The following ZNF148 variants were observed in gnomAD, a reference collection of about 807,000 sequenced individuals.
ZNF148 encodes zinc finger protein 148, also known as Beta-Enolase Repressor Factor-1.
In ZNF148, 7 loss-of-function variants were observed where a neutral mutation model predicts 67.7. The observed-to-expected ratio is 0.10, with a 90% CI of 0.06 to 0.19. The LOEUF (loss-of-function observed/expected upper bound fraction) is 0.19, where lower values mean the gene tolerates loss of function less well. Among genes scored for constraint, ZNF148 ranks in the 10% least tolerant of loss-of-function variants. ZNF148 has a pLI of 1.00. For missense variants in ZNF148, 583 were observed against 947.1 expected, an observed-to-expected ratio of 0.62 and a Z score of 5.05; for synonymous variants, 333 against 330.7, an observed-to-expected ratio of 1.01 and a Z score of -0.08.
intron 1 of ZNF148, among the ~76,000 whole-genome samples, chr3:125,348,181 C>G (rs1942014794): frequency 6.6e-6 from 1 of 152,008 alleles, no homozygotes; most frequent in South Asian, 2.1e-4. Flanking sequence ...ATTGCTTGAG[C>G]CTGGGAGATC....
chr3:125,356,296 TGG>T (rs1014509205), intron 1 of ZNF148, among the ~76,000 whole-genome samples: 46 of 152,334 alleles, frequency 3.0e-4, no homozygotes, highest in African/African-American at 1.0e-3. Context: ...TAGTCTATTC[TGG>T]GATTGGTCAC....
chr3:125,299,711 T>G (rs1006333675), intron 4 of ZNF148, among the ~76,000 whole-genome samples: 1 of 152,122 alleles, frequency 6.6e-6, no homozygotes, highest in Non-Finnish European at 1.5e-5. Flanking sequence ...GCCTGTTGAG[T>G]TGAAATCATT....
intron 1 of ZNF148, among the ~76,000 whole-genome samples, chr3:125,340,276 A>T (rs939837377): frequency 6.6e-6 from 1 of 152,204 alleles, no homozygotes; most frequent in Non-Finnish European, 1.5e-5. Flanking sequence ...TGAAAACATC[A>T]GGAGAAGGAG....
chr3:125,240,431 A>C (rs750516042), intron 7 of ZNF148, among the ~76,000 whole-genome samples: 5 of 152,200 alleles, frequency 3.3e-5, no homozygotes, highest in Non-Finnish European at 7.3e-5. Flanking sequence ...AATAATTAAC[A>C]GTTTATTTAA....
At chr3:125,279,283 T>G (rs1242616401) in intron 5 of ZNF148, 36 bp from the exon 6 acceptor site, 1 of 1,434,606 alleles carries the variant, frequency 7.0e-7, no homozygotes, top group Non-Finnish European at 9.3e-7. Flanking sequence ...ACAAAAGAAA[T>G]AAGTTTTTAA....
At chr3:125,244,567 G>A (rs568940974) in intron 7 of ZNF148, among the ~76,000 whole-genome samples, 11 of 151,546 alleles carry the variant, frequency 7.3e-5, no homozygotes, top group South Asian at 2.1e-4. Flanking sequence ...GTGCCATCTC[G>A]GCTCACTGCA....
At chr3:125,265,960 A>C (rs913542583) in intron 7 of ZNF148, among the ~76,000 whole-genome samples, 1 of 152,032 alleles carries the variant, frequency 6.6e-6, no homozygotes, top group African/African-American at 2.4e-5. Flanking sequence ...AACCAACAGT[A>C]AAAAAAGACA....
intron 6 of ZNF148, 44 bp from the exon 7 acceptor site, chr3:125,277,853 A>T: frequency 1.3e-6 from 2 of 1,526,870 alleles, no homozygotes; most frequent in Non-Finnish European, 1.8e-6. Flanking sequence ...TGAATAAAAC[A>T]ACGGTTTTTA....
At chr3:125,304,940 A>G (rs767582131) in intron 4 of ZNF148, among the ~76,000 whole-genome samples, 1 of 152,206 alleles carries the variant, frequency 6.6e-6, no homozygotes, top group Non-Finnish European at 1.5e-5. Context: ...AAAAGCAAAG[A>G]AGTACTCAAC....
intron 7 of ZNF148, among the ~76,000 whole-genome samples, chr3:125,256,173 C>T (rs182630860): frequency 6.6e-6 from 1 of 151,094 alleles, no homozygotes; most frequent in Admixed American, 6.6e-5. Context: ...CCCATCCTGG[C>T]TAACACAGCA....
intron 1 of ZNF148, among the ~76,000 whole-genome samples, chr3:125,346,766 A>G (rs1941959552): frequency 6.6e-6 from 1 of 152,174 alleles, no homozygotes; most frequent in Admixed American, 6.5e-5. Flanking sequence ...CTCCCCAGCC[A>G]ATTAAACCTC....
At position 125,315,552 on chromosome 3, in the gene ZNF148, CAAA is replaced by C. The variant is rs1167289068; in HGVS notation, c.-16-1899_-16-1897del. Among the ~76,000 whole-genome samples, 3 of 151,268 alleles carry C rather than the reference CAAA, an allele frequency of 2.0e-5. No individual in the cohort carries two copies. The East Asian group carries it at 5.8e-4, about 29-fold the overall frequency. Reference sequence around the variant, plus strand: ...TGAAACCCTGTCTCTACTAAAAATACAAAAAAATTAGCTGGGCATGATGGTGCA... The same window carrying C: ...TGAAACCCTGTCTCTACTAAAAATACAAAATTAGCTGGGCATGATGGTGCA... On this transcript the variant is annotated intron_variant, in intron 3 of 8. Transcript: ENST00000360647.
Position 125,241,878 on chromosome 3 carries a change from T to C in ZNF148, c.668-7549A>G, listed in dbSNP as rs575350214. Among the ~76,000 whole-genome samples, 28 of 152,368 alleles carry C rather than the reference T, an allele frequency of 1.8e-4. No homozygotes were observed. The Middle Eastern group carries it at 0.017, about 93-fold the overall frequency. On this transcript the variant is annotated intron_variant, in intron 7 of 8. Transcript: ENST00000360647. ...TGAATCTGTACTCCCATACCAGCCATGGATGTGTTACTATTTCCCTATAAC... is the reference window on the plus strand; with the variant it reads ...TGAATCTGTACTCCCATACCAGCCACGGATGTGTTACTATTTCCCTATAAC...
chr3:125,286,454 GA>G (rs770057902), intron 5 of ZNF148, among the ~76,000 whole-genome samples: 2 of 152,132 alleles, frequency 1.3e-5, no homozygotes, highest in Admixed American at 6.5e-5. Context: ...ACTGCAGGTA[GA>G]AGTGTAACTG....
intron 4 of ZNF148, among the ~76,000 whole-genome samples, chr3:125,302,029 C>T (rs1035286259): frequency 6.6e-6 from 1 of 152,014 alleles, no homozygotes; most frequent in African/African-American, 2.4e-5. Context: ...CATGCCACTG[C>T]ACTCCAGCCT....
chr3:125,237,646 C>T (rs1936153694), intron 7 of ZNF148, among the ~76,000 whole-genome samples: 1 of 151,086 alleles, frequency 6.6e-6, no homozygotes, highest in South Asian at 2.1e-4. Context: ...TCAGAAGTTA[C>T]AGTTATTTAT....
chr3:125,328,683 T>C (rs1338857441), intron 2 of ZNF148, among the ~76,000 whole-genome samples: 1 of 151,754 alleles, frequency 6.6e-6, no homozygotes, highest in Non-Finnish European at 1.5e-5. Context: ...TTCCTTAATA[T>C]ACAAGTATAT....
intron 8 of ZNF148, 118 bp from the exon 9 acceptor site, chr3:125,234,057 A>G: frequency 2.2e-6 from 3 of 1,366,940 alleles, no homozygotes; most frequent in Non-Finnish European, 2.9e-6. Flanking sequence ...ACATAATTCC[A>G]AACAAATTCA....
intron 7 of ZNF148, among the ~76,000 whole-genome samples, chr3:125,249,562 G>A (rs1201516163): frequency 6.6e-6 from 1 of 152,036 alleles, no homozygotes; most frequent in Admixed American, 6.6e-5. Context: ...ACTGCACACT[G>A]CTGCCGAGAT....
Sources: gnomAD v4.1 joint callset for allele counts (sites outside exome capture counted in the v4.1 genomes callset) on GRCh38, gnomAD v4.1.1 for gene constraint, MANE v1.5 for transcripts, NCBI Gene and HGNC (gene_info 2026-07-23, HGNC 2026-07-21) for gene names.